Variants in SPAG16 observed in about 807,000 individuals in gnomAD.
SPAG16 encodes sperm associated antigen 16.
A neutral mutation model predicts 80.4 loss-of-function variants in SPAG16; 86 were observed. That is an observed-to-expected ratio of 1.07 (90% confidence interval 0.90 to 1.28). The LOEUF is 1.28. Ranked by LOEUF, SPAG16 falls within the 50% of genes most tolerant of loss-of-function variation. The probability of loss-of-function intolerance (pLI) is 0.00; values close to 1 mark genes in which losing one functional copy is unlikely to be tolerated. For missense variants in SPAG16, 870 were observed against 765.3 expected (o/e 1.14, Z -1.61); for synonymous variants, 294 against 265.9 (o/e 1.11, Z -1.03).
intron 15 of SPAG16, among the ~76,000 whole-genome samples, chr2:214,351,564 G>A (rs532318801): frequency 1.3e-5 from 2 of 152,190 alleles, no homozygotes; most frequent in Middle Eastern, 3.4e-3. Context: ...TTAGCCGGGC[G>A]TGGTGGCAGG....
At chr2:213,865,587 C>A in intron 11 of SPAG16, among the ~76,000 whole-genome samples, 1 of 149,452 alleles carries the variant, frequency 6.7e-6, no homozygotes, top group South Asian at 2.1e-4. Flanking sequence ...AAGAATAAAT[C>A]AATGAAAATT....
intron 14 of SPAG16, among the ~76,000 whole-genome samples, chr2:214,125,221 T>A (rs1279710297): frequency 6.6e-6 from 1 of 151,642 alleles, no homozygotes; most frequent in Non-Finnish European, 1.5e-5. Context: ...TTCTTTTTCA[T>A]GAGGCTTGAT....
intron 10 of SPAG16, among the ~76,000 whole-genome samples, chr2:213,715,305 T>C (rs892895375): frequency 6.6e-6 from 1 of 151,314 alleles, no homozygotes; most frequent in Non-Finnish European, 1.5e-5. Flanking sequence ...TTGGACCTAA[T>C]GATTGGATAT....
chr2:213,864,538 A>G (rs1388800139), intron 11 of SPAG16, among the ~76,000 whole-genome samples: 1 of 152,098 alleles, frequency 6.6e-6, no homozygotes, highest in East Asian at 1.9e-4. Flanking sequence ...TAGGGTGGAC[A>G]CAGTATATAC....
chr2:213,612,928 C>G (rs1160983595), intron 10 of SPAG16, among the ~76,000 whole-genome samples: 1 of 152,188 alleles, frequency 6.6e-6, no homozygotes, highest in Non-Finnish European at 1.5e-5. Flanking sequence ...TCGCCTTGAC[C>G]TCCCAAAGTG....
At chr2:213,517,672 T>C (rs2075486414) in intron 10 of SPAG16, among the ~76,000 whole-genome samples, 1 of 152,086 alleles carries the variant, frequency 6.6e-6, no homozygotes, top group Admixed American at 6.6e-5. Context: ...ACACATCTGA[T>C]CTTTGGCAAG....
At chr2:213,434,880 C>G (rs1227179414) in intron 9 of SPAG16, among the ~76,000 whole-genome samples, 1 of 152,104 alleles carries the variant, frequency 6.6e-6, no homozygotes, top group Non-Finnish European at 1.5e-5. Context: ...ATTAATACAA[C>G]CACTATGAAA....
chr2:213,872,623 T>C (rs78721293), intron 11 of SPAG16, among the ~76,000 whole-genome samples: 1 of 152,130 alleles, frequency 6.6e-6, no homozygotes, highest in Non-Finnish European at 1.5e-5. Context: ...TCCAGTGCAA[T>C]GTTGAAAAGA....
intron 10 of SPAG16, among the ~76,000 whole-genome samples, chr2:213,754,454 CATTTT>C (rs1239047382): frequency 8.5e-5 from 13 of 152,082 alleles, no homozygotes; most frequent in Admixed American, 7.9e-4. Context: ...TATAAAAACT[CATTTT>C]AGCTTCATCT....
intron 10 of SPAG16, among the ~76,000 whole-genome samples, chr2:213,724,796 A>G (rs1420688706): frequency 9.9e-6 from 1 of 100,642 alleles, no homozygotes; most frequent in African/African-American, 4.3e-5. Flanking sequence ...AAAAAAAAAA[A>G]AAAAAGAAAA....
At chr2:214,107,834 C>T (rs2053460492) in intron 13 of SPAG16, among the ~76,000 whole-genome samples, 1 of 152,128 alleles carries the variant, frequency 6.6e-6, no homozygotes, top group Admixed American at 6.6e-5. Flanking sequence ...AGTAGATATG[C>T]TGTGCTGAAA....
intron 10 of SPAG16, among the ~76,000 whole-genome samples, chr2:213,733,585 T>G (rs1261276739): frequency 1.3e-5 from 2 of 149,358 alleles, no homozygotes; most frequent in Non-Finnish European, 3.0e-5. Flanking sequence ...TGTAAAGGCC[T>G]CCCCAAGACT....
At chr2:214,150,642 A>G (rs951738180) in intron 15 of SPAG16, among the ~76,000 whole-genome samples, 1 of 152,020 alleles carries the variant, frequency 6.6e-6, no homozygotes, top group African/African-American at 2.4e-5. Flanking sequence ...TCAAGTATTC[A>G]TGTCTTTGAA....
chr2:213,838,675 A>G (rs2074222932), intron 10 of SPAG16, among the ~76,000 whole-genome samples: 1 of 152,234 alleles, frequency 6.6e-6, no homozygotes, highest in Non-Finnish European at 1.5e-5. Flanking sequence ...CAGAGGTTTT[A>G]TAGACAGAGA....
rs1269080054 is a variant in SPAG16, at chr2:214,181,769, T to C, written c.1720+32503T>C. 2.6e-5 allele frequency among the ~76,000 whole-genome samples: 4 copies of C among 151,800 alleles called. No individual in the cohort carries two copies. The East Asian group carries it at 7.8e-4, about 29-fold the overall frequency. On this transcript the variant is annotated intron_variant, in intron 15 of 15. Coordinates refer to ENST00000331683, the MANE Select transcript of SPAG16 (RefSeq NM_024532.5). The stretch of plus-strand genomic sequence containing the variant: ...GCCCAGCAAGTACCCAGTAGTCAAG[T>C]AGATGTGTTTAATTTTTACATTAAA...
rs370639001 is a variant in SPAG16, at chr2:214,056,781, A to T, written c.1527+42704A>T. Among the ~76,000 whole-genome samples the T allele has an allele frequency of 5.9e-5, 9 of 152,310 alleles. No individual in the cohort carries two copies. In the South Asian group the frequency reaches 1.5e-3, roughly 25 times the overall value. On this transcript the variant is annotated intron_variant, in intron 13 of 15. Coordinates refer to ENST00000331683, the MANE Select transcript of SPAG16 (RefSeq NM_024532.5). Reference sequence around the variant, plus strand: ...TTACCCACAGTAGAAATTCTTTAAAAATTGGAGTCAATCCTCTCAAACCCT... The same window carrying T: ...TTACCCACAGTAGAAATTCTTTAAATATTGGAGTCAATCCTCTCAAACCCT...
rs2072315371 is a variant in SPAG16 at position 213,813,570 on chromosome 2, AG to A, written c.1071-48911del. On this transcript the variant is annotated intron_variant, in intron 10 of 15. Transcript: ENST00000331683. ...AGGAAGCACTCCTGTGCCCTGGTCC[AG>A]GGGAAAGGTCTGCTGCTATTGGGGG... is the stretch of plus-strand genomic sequence containing the variant. Among the ~76,000 whole-genome samples the A allele has an allele frequency of 2.0e-5, 3 of 152,310 alleles. No individual in the cohort carries two copies. In the South Asian group the frequency reaches 6.2e-4, roughly 32 times the overall value.
chr2:213,492,172 TACTACCAGTCCTTAACTAG>T (rs138756129), intron 10 of SPAG16, among the ~76,000 whole-genome samples: 9,101 of 152,298 alleles, frequency 0.06, 898 homozygotes, highest in African/African-American at 0.21. Flanking sequence ...TCTCATTCTA[TACTACCAGTCCTTAACTAG>T]ACATAATATA....
At chr2:213,806,196 G>T (rs1348942460) in intron 10 of SPAG16, among the ~76,000 whole-genome samples, 1 of 152,124 alleles carries the variant, frequency 6.6e-6, no homozygotes, top group African/African-American at 2.4e-5. Flanking sequence ...ACCTGTAAAT[G>T]TTTAAGTTTT....
Sources: gnomAD v4.1 joint callset for allele counts (sites outside exome capture counted in the v4.1 genomes callset) on GRCh38, gnomAD v4.1.1 for gene constraint, MANE v1.5 for transcripts, NCBI Gene and HGNC (gene_info 2026-07-23, HGNC 2026-07-21) for gene names.